The following CD96 variants were observed in gnomAD, a reference collection of about 807,000 sequenced individuals.
CD96 encodes the protein CD96 molecule, also known as T-cell surface protein tactile.
CD96 carries 70 observed loss-of-function variants against 71.3 expected under a neutral mutation model. The ratio of observed to expected loss-of-function variants is 0.98; its 90% CI spans 0.81 to 1.20. The LOEUF is 1.20. Ranked by LOEUF, CD96 falls within the 50% of genes most tolerant of loss-of-function variation. The pLI is 0.00. For missense variants in CD96, 742 were observed against 677.5 expected, an observed-to-expected ratio of 1.10 and a Z score of -1.06; for synonymous variants, 248 against 233.0, an observed-to-expected ratio of 1.06 and a Z score of -0.59.
chr3:111,571,581 G>T (rs951485073), intron 3 of CD96, among the ~76,000 whole-genome samples: 9 of 152,068 alleles, frequency 5.9e-5, no homozygotes, highest in Non-Finnish European at 1.0e-4. Context: ...CAGTGAGAGG[G>T]TGAATCTTAA....
At chr3:111,612,304 G>A (rs1191128921) in intron 8 of CD96, among the ~76,000 whole-genome samples, 4 of 152,228 alleles carry the variant, frequency 2.6e-5, no homozygotes, top group African/African-American at 9.6e-5. Context: ...AATGGAGAGT[G>A]CTGCAACAGA....
chr3:111,646,451 G>T (rs2107783536), intron 12 of CD96, among the ~76,000 whole-genome samples: 1 of 151,440 alleles, frequency 6.6e-6, no homozygotes, highest in East Asian at 1.9e-4. Context: ...TACTTTAAAA[G>T]CTCAAAATCA....
intron 2 of CD96, among the ~76,000 whole-genome samples, chr3:111,566,904 C>T (rs2107545760): frequency 6.6e-6 from 1 of 152,192 alleles, no homozygotes; most frequent in South Asian, 2.1e-4. Context: ...ACTGTGGACA[C>T]ATGTCATTAT....
At chr3:111,567,751 G>C (rs1935788926) in intron 3 of CD96, 104 bp downstream of exon 3, 17 of 1,073,394 alleles carry the variant, frequency 1.6e-5, no homozygotes, top group Non-Finnish European at 2.0e-5. Context: ...CAAATAACAG[G>C]CAGGCATTAT....
chr3:111,587,171 C>T (rs1369408882), intron 5 of CD96, among the ~76,000 whole-genome samples: 1 of 152,220 alleles, frequency 6.6e-6, no homozygotes, highest in Non-Finnish European at 1.5e-5. Flanking sequence ...GACTCCAAGA[C>T]TCATATCCAG....
At chr3:111,653,493 G>A (rs141180886), downstream of CD96, among the ~76,000 whole-genome samples, 56 of 152,316 alleles carry the variant, frequency 3.7e-4, no homozygotes, top group African/African-American at 1.3e-3. Context: ...TTAACAAGAA[G>A]ATATGGTTGA....
intron 5 of CD96, among the ~76,000 whole-genome samples, chr3:111,586,852 CA>C (rs1405048324): frequency 6.6e-6 from 1 of 152,062 alleles, no homozygotes; most frequent in African/African-American, 2.4e-5. Context: ...CATATCATTC[CA>C]CCTCTGACCT....
At chr3:111,621,949 A>G (rs1576401656) in intron 8 of CD96, among the ~76,000 whole-genome samples, 1 of 152,210 alleles carries the variant, frequency 6.6e-6, no homozygotes, top group Non-Finnish European at 1.5e-5. Context: ...CAATTTTTCT[A>G]TTAATACAGC....
At chr3:111,616,188 T>A (rs1255890523) in intron 8 of CD96, among the ~76,000 whole-genome samples, 1 of 152,222 alleles carries the variant, frequency 6.6e-6, no homozygotes, top group Non-Finnish European at 1.5e-5. Context: ...ATGAGGGCAG[T>A]GTTTTTTATC....
At chr3:111,552,125 C>A (rs1934743389) in intron 2 of CD96, among the ~76,000 whole-genome samples, 1 of 151,948 alleles carries the variant, frequency 6.6e-6, no homozygotes, top group Non-Finnish European at 1.5e-5. Context: ...ATGTCCTGTG[C>A]CCACTTTTTA....
In CD96 at chr3:111,549,827, A is replaced by G. The variant is rs567862643; in HGVS notation, c.418+4425A>G. On this transcript the variant is annotated intron_variant, in intron 2 of 13. Transcript: ENST00000352690. The stretch of plus-strand genomic sequence containing the variant: ...CAGAAATTATTTTGCATTTAATCTT[A>G]TAGATGTTGAGTTAGGCATGAAGTT... 2.0e-5 allele frequency among the ~76,000 whole-genome samples: 3 copies of G among 152,302 alleles called. No homozygotes were observed. The South Asian group carries it at 6.2e-4, about 32-fold the overall frequency.
At chr3:111,600,689 A>C (rs745862721) in intron 6 of CD96, 37 bp from the exon 7 acceptor site, 1 of 1,437,846 alleles carries the variant, frequency 7.0e-7, no homozygotes, top group Non-Finnish European at 9.8e-7. Flanking sequence ...CATACATAAA[A>C]TGTTAGTGTT....
chr3:111,643,066 T>TC (rs1270555174), intron 12 of CD96, among the ~76,000 whole-genome samples: 4 of 104,790 alleles, frequency 3.8e-5, no homozygotes, highest in Non-Finnish European at 7.9e-5. Context: ...GATGCCAAAA[T>TC]CCTTAAAAAA....
chr3:111,657,753 C>A (rs1351716047), intron 14 of CD96, among the ~76,000 whole-genome samples: 1 of 151,990 alleles, frequency 6.6e-6, no homozygotes, highest in African/African-American at 2.4e-5. Context: ...AGTATCAATG[C>A]AAACTCATGA....
intron 12 of CD96, among the ~76,000 whole-genome samples, chr3:111,641,293 G>A (rs1939578265): frequency 6.6e-6 from 1 of 152,156 alleles, no homozygotes; most frequent in Non-Finnish European, 1.5e-5. Context: ...TAAAGTAAAG[G>A]GGTGGAAAAA....
chr3:111,623,936 G>A (rs1056787525), intron 9 of CD96, 114 bp downstream of exon 9: 26 of 768,914 alleles, frequency 3.4e-5, no homozygotes, highest in Non-Finnish European at 6.1e-5. Context: ...TTCATTTGAT[G>A]TTTGTTAATA....
chr3:111,662,173 C>T (rs1484329011), intron 14 of CD96, among the ~76,000 whole-genome samples: 1 of 152,234 alleles, frequency 6.6e-6, no homozygotes, highest in African/African-American at 2.4e-5. Context: ...CTTTCAGGCA[C>T]AGTTGGAGCT....
At chr3:111,594,177 CT>C in intron 5 of CD96, 1 of 1,599,860 alleles carries the variant, frequency 6.3e-7, no homozygotes, top group South Asian at 1.1e-5. Context: ...GTTCCCTCCT[CT>C]TCCTCGTCTT....
chr3:111,550,618 T>C (rs890603773), intron 2 of CD96, among the ~76,000 whole-genome samples: 4 of 152,062 alleles, frequency 2.6e-5, no homozygotes, highest in African/African-American at 4.8e-5. Context: ...TTTTTTTTAT[T>C]GTAACAGGTG....
Sources: allele counts gnomAD v4.1 joint callset (sites outside exome capture counted in the v4.1 genomes callset), GRCh38; gene constraint gnomAD v4.1.1; transcripts MANE v1.5; gene names NCBI Gene and HGNC (gene_info 2026-07-23, HGNC 2026-07-21).